Variants in ALK observed in about 807,000 individuals in gnomAD.
ALK encodes ALK tyrosine kinase receptor.
A neutral mutation model predicts 163.1 loss-of-function variants in ALK; 74 were observed. That is an observed-to-expected ratio of 0.45 (90% CI 0.38 to 0.55). The LOEUF is 0.55. Ranked by LOEUF, ALK falls within the 20% of genes least tolerant of loss-of-function variation. ALK has a pLI of 0.00. For synonymous variants in ALK, 960 were observed against 843.2 expected (o/e 1.14, Z -2.40); for missense variants, 2,063 against 2,105.3 (o/e 0.98, Z 0.39).
chr2:29,759,165 G>A (rs1680628814), intron 1 of ALK, among the ~76,000 whole-genome samples: 1 of 152,108 alleles, frequency 6.6e-6, no homozygotes, highest in South Asian at 2.1e-4. Flanking sequence ...TCTGCAAGAT[G>A]GTCACACAAG....
intron 9 of ALK, among the ~76,000 whole-genome samples, chr2:29,283,030 G>C (rs1665754625): frequency 6.6e-6 from 1 of 152,160 alleles, no homozygotes; most frequent in African/African-American, 2.4e-5. Context: ...GATGAGGAAA[G>C]ACATTGCTTC....
At chr2:29,649,219 A>T (rs762944946) in intron 3 of ALK, among the ~76,000 whole-genome samples, 2 of 139,068 alleles carry the variant, frequency 1.4e-5, no homozygotes, top group Non-Finnish European at 3.1e-5. Flanking sequence ...TGTGTATGTG[A>T]GAGAGAGAGA....
intron 26 of ALK, among the ~76,000 whole-genome samples, chr2:29,197,907 AT>A (rs1047233754): frequency 6.6e-6 from 1 of 151,926 alleles, no homozygotes; most frequent in Non-Finnish European, 1.5e-5. Flanking sequence ...CTGTGCTGAG[AT>A]TTTTTTTCAC....
intron 1 of ALK, among the ~76,000 whole-genome samples, chr2:29,770,641 A>G (rs1355701766): frequency 6.6e-6 from 1 of 152,240 alleles, no homozygotes; most frequent in Non-Finnish European, 1.5e-5. Flanking sequence ...TGTGAAAACC[A>G]GAGCTGGATA....
chr2:29,346,380 A>T (rs1667949760), intron 5 of ALK, among the ~76,000 whole-genome samples: 2 of 151,954 alleles, frequency 1.3e-5, no homozygotes, highest in African/African-American at 4.8e-5. Flanking sequence ...CCCCTGACCC[A>T]CTCCCTACAG....
intron 1 of ALK, among the ~76,000 whole-genome samples, chr2:29,870,802 T>C: frequency 6.6e-6 from 1 of 152,240 alleles, no homozygotes; most frequent in Non-Finnish European, 1.5e-5. Flanking sequence ...CATACATTTT[T>C]GTTTTGGTCA....
At chr2:29,862,291 G>C (rs1416311793) in intron 1 of ALK, among the ~76,000 whole-genome samples, 2 of 152,026 alleles carry the variant, frequency 1.3e-5, no homozygotes, top group Admixed American at 6.6e-5. Context: ...GGCAAAAACA[G>C]AAAGGCAAGG....
chr2:29,665,218 C>A (rs149496289), intron 3 of ALK, among the ~76,000 whole-genome samples: 3 of 151,798 alleles, frequency 2.0e-5, no homozygotes, highest in Non-Finnish European at 2.9e-5. Flanking sequence ...AACTCCTGGA[C>A]TCAAGCAATC....
At chr2:29,416,693 G>A (rs1669885790) in intron 4 of ALK, among the ~76,000 whole-genome samples, 1 of 152,066 alleles carries the variant, frequency 6.6e-6, no homozygotes, top group South Asian at 2.1e-4. Flanking sequence ...ACTCCTTTTG[G>A]CTCTGTAGAC....
intron 1 of ALK, among the ~76,000 whole-genome samples, chr2:29,908,103 T>A (rs1667597468): frequency 2.6e-5 from 4 of 152,166 alleles, no homozygotes; most frequent in Admixed American, 6.5e-5. Context: ...ATTTCCTGAA[T>A]AATCTGCAGT....
At chr2:29,409,116 G>A (rs1336677850) in intron 4 of ALK, among the ~76,000 whole-genome samples, 1 of 152,180 alleles carries the variant, frequency 6.6e-6, no homozygotes, top group Non-Finnish European at 1.5e-5. Flanking sequence ...GAGAGACACA[G>A]ATGGGCGAAT....
intron 23 of ALK, among the ~76,000 whole-genome samples, chr2:29,220,493 G>T (rs1669771335): frequency 6.6e-6 from 1 of 152,172 alleles, no homozygotes; most frequent in Non-Finnish European, 1.5e-5. Context: ...CAGGAGCCTT[G>T]CACAAGCTCC....
In ALK at chr2:29,242,437, A is replaced by G. The variant is rs1664547694; in HGVS notation, c.2205-2607T>C. ...ATTCTGAACTCTTTCGTATGTTTAA[A>G]TTTAGCCAAATTATTATATTTTAGA... On this transcript the variant is annotated intron_variant, in intron 12 of 28. Transcript: ENST00000389048. 5.3e-5 allele frequency among the ~76,000 whole-genome samples: 8 copies of G among 152,180 alleles called. No homozygotes were observed. The South Asian group carries it at 1.7e-3, about 32-fold the overall frequency.
chr2:29,809,485 A>G (rs528546081), intron 1 of ALK, among the ~76,000 whole-genome samples: 8 of 152,352 alleles, frequency 5.3e-5, no homozygotes, highest in African/African-American at 1.7e-4. Context: ...TGTGAACTAC[A>G]GTTGGTCTGA....
intron 8 of ALK, among the ~76,000 whole-genome samples, chr2:29,312,190 C>T (rs919943344): frequency 6.6e-6 from 1 of 152,090 alleles, no homozygotes; most frequent in East Asian, 1.9e-4. Context: ...AGAATCATCA[C>T]TAAAGTCAGA....
chr2:29,801,170 G>A (rs976989543), intron 1 of ALK, among the ~76,000 whole-genome samples: 1 of 152,172 alleles, frequency 6.6e-6, no homozygotes, highest in African/African-American at 2.4e-5. Flanking sequence ...GAAAAGCTAT[G>A]CATAATAACT....
chr2:29,658,307 G>A (rs543709068), intron 3 of ALK, among the ~76,000 whole-genome samples: 4 of 152,278 alleles, frequency 2.6e-5, no homozygotes, highest in South Asian at 4.1e-4. Flanking sequence ...TCAGCTTGGA[G>A]CTATGGTAAG....
intron 3 of ALK, among the ~76,000 whole-genome samples, chr2:29,541,304 T>A (rs559819640): frequency 6.6e-6 from 1 of 152,360 alleles, no homozygotes; most frequent in South Asian, 2.1e-4. Flanking sequence ...GCTTTTAATA[T>A]GTGAAACATT....
intron 3 of ALK, among the ~76,000 whole-genome samples, chr2:29,540,371 G>A (rs1254328206): frequency 2.0e-5 from 3 of 152,066 alleles, no homozygotes; most frequent in Non-Finnish European, 4.4e-5. Flanking sequence ...TTCTAGCCTC[G>A]AGGTTTTAAA....
Sources: gnomAD v4.1 joint callset for allele counts (sites outside exome capture counted in the v4.1 genomes callset) on GRCh38, gnomAD v4.1.1 for gene constraint, MANE v1.5 for transcripts, NCBI Gene and HGNC (gene_info 2026-07-23, HGNC 2026-07-21) for gene names.